NADK2: variants seen among roughly 807,000 people sequenced by gnomAD.
NADK2 encodes the protein NAD kinase 2, mitochondrial.
A neutral mutation model predicts 62.1 loss-of-function variants in NADK2; 35 were observed. The ratio of observed to expected loss-of-function variants is 0.56; its 90% CI spans 0.43 to 0.75. The LOEUF is 0.75. Among genes scored for constraint, NADK2 ranks in the 30% least tolerant of loss-of-function variants. The pLI, the probability that NADK2 is intolerant of heterozygous loss-of-function variation, is 0.00. For synonymous variants in NADK2, 205 were observed against 207.9 expected (o/e 0.99, Z 0.12); for missense variants, 439 against 561.3 (o/e 0.78, Z 2.20).
In NADK2 at chr5:36,241,735, C is replaced by A; in HGVS notation, c.64G>T (p.Ala22Ser). 7.8e-7 allele frequency: 1 copy of A among 1,274,474 alleles called. No homozygotes were observed. Among genetic ancestry groups the A allele is most frequent in the South Asian group, 2.0e-5 (1 of 49,034 alleles). The allele number at this position is 1,274,474 out of a possible 1,614,324, so 78.9% of individuals were successfully genotyped here. ...CCTCCCGCACCCGGTCCCCGCAGCG[C>A]CGCCGCCCGGCCGCCCGCCACGCGA... is the stretch of plus-strand genomic sequence containing the variant. ...CCRVAGGRAA[A>S]LRGPGAGGPA... The change falls in exon 1 of 12, where the codon GCG (alanine) becomes TCG (serine). Residue 22 changes from alanine (A) to serine (S), a missense_variant. Ala to Ser is a moderately conservative substitution (Grantham distance 99, BLOSUM62 1). Coordinates refer to ENST00000381937, the MANE Select transcript of NADK2 (RefSeq NM_001085411.3). The surrounding 1 kb of genome is among the most constrained non-coding windows in gnomAD (Gnocchi z 4.9).
chr5:36,236,434 T>C lies in NADK2; in HGVS notation c.300+5065A>G, dbSNP rs567159435. Among the ~76,000 whole-genome samples the C allele has an allele frequency of 3.9e-5, 6 of 152,352 alleles. No homozygotes were observed. In the East Asian group the frequency reaches 5.8e-4, roughly 15 times the overall value. On this transcript the variant is annotated intron_variant, in intron 1 of 11. Transcript: ENST00000381937. Reference sequence around the variant, plus strand: ...GAATCCCATAGTCAAATAAAAATCATCTTTTGCTTGGGCTCATGTTTTTCA... The same window carrying C: ...GAATCCCATAGTCAAATAAAAATCACCTTTTGCTTGGGCTCATGTTTTTCA...
chr5:36,212,166 A>G (rs1746873227), intron 6 of NADK2: 7 of 310,968 alleles, frequency 2.3e-5, no homozygotes, highest in Non-Finnish European at 4.1e-5. Context: ...TTCTTCTTGA[A>G]GCAATTTCTC....
intron 1 of NADK2, among the ~76,000 whole-genome samples, chr5:36,235,704 C>T (rs1476968600): frequency 6.6e-6 from 1 of 152,044 alleles, no homozygotes; most frequent in Non-Finnish European, 1.5e-5. Context: ...CACTAAGCCT[C>T]AATTGTGATG....
At chr5:36,228,920 C>T (rs1047791695) in intron 1 of NADK2, among the ~76,000 whole-genome samples, 3 of 152,124 alleles carry the variant, frequency 2.0e-5, no homozygotes, top group African/African-American at 7.2e-5. Flanking sequence ...CCATCACACC[C>T]AGCCTAATAT....
At chr5:36,204,233 T>A (rs947667691) in intron 8 of NADK2, among the ~76,000 whole-genome samples, 1 of 152,104 alleles carries the variant, frequency 6.6e-6, no homozygotes, top group Non-Finnish European at 1.5e-5. Context: ...AAAATAAACA[T>A]ACAGAATCAC....
At position 36,222,775 on chromosome 5, in the gene NADK2, C is replaced by A. The variant is rs147620682; in HGVS notation, c.560+2767G>T. Among the ~76,000 whole-genome samples the A allele has an allele frequency of 9.9e-4, 151 of 152,136 alleles. 2 individuals are homozygous for A. The East Asian group carries it at 0.025, about 25-fold the overall frequency. On this transcript the variant is annotated intron_variant, in intron 4 of 11. Transcript: ENST00000381937. ...AGGGCTGAGCTATTTTTAGTGGCAGCGAGGATGGCAAGAGATGGACTCAAA... is the reference window on the plus strand; with the variant it reads ...AGGGCTGAGCTATTTTTAGTGGCAGAGAGGATGGCAAGAGATGGACTCAAA...
chr5:36,200,984 A>G (rs1218055664), intron 9 of NADK2, 122 bp downstream of exon 9: 1 of 751,220 alleles, frequency 1.3e-6, no homozygotes, highest in African/African-American at 1.8e-5. Context: ...AAGAAAGAAA[A>G]AGAAATTAAT....
chr5:36,223,993 C>T (rs1457742162), intron 4 of NADK2, among the ~76,000 whole-genome samples: 1 of 152,090 alleles, frequency 6.6e-6, no homozygotes, highest in East Asian at 1.9e-4. Context: ...AATCCAGTGA[C>T]TTTCAATTCC....
At position 36,195,221 on chromosome 5, in the gene NADK2, C is replaced by T. The variant is rs756146626; in HGVS notation, c.1252G>A (p.Glu418Lys). ...CMVVDGGTSF[E>K]FNDGAIASMM... ...GAAGCAATTGCACCATCATTAAACTCAAAAGAAGTTCCTCCATCCACAACC... is the reference window on the plus strand; with the variant it reads ...GAAGCAATTGCACCATCATTAAACTTAAAAGAAGTTCCTCCATCCACAACC... The change falls in exon 12 of 12, where the codon GAG becomes AAG. Residue 418 changes from glutamate (E) to lysine (K), a missense_variant. By Grantham distance (56) the Glu-to-Lys change is moderately conservative (BLOSUM62 1). Coordinates refer to ENST00000381937, the MANE Select transcript of NADK2 (RefSeq NM_001085411.3). The T allele has an allele frequency of 6.2e-7, 1 of 1,613,402 alleles. No individual in the cohort carries two copies. The highest frequency in any genetic ancestry group is 1.1e-5 in the South Asian group (1 of 90,936).
chr5:36,234,095 C>T (rs1420399679), intron 1 of NADK2, among the ~76,000 whole-genome samples: 1 of 152,036 alleles, frequency 6.6e-6, no homozygotes, highest in Admixed American at 6.5e-5. Context: ...TATTAATGGG[C>T]CAGGCGCGGT....
intron 8 of NADK2, among the ~76,000 whole-genome samples, chr5:36,201,583 T>C (rs1447485015): frequency 6.6e-6 from 1 of 151,906 alleles, no homozygotes; most frequent in Non-Finnish European, 1.5e-5. Context: ...ATAATACAAA[T>C]ATATGTGCTG....
Position 36,195,051 on chromosome 5 carries a change from C to T in NADK2, c.*93G>A. 1 of 1,425,402 alleles carries T rather than the reference C, an allele frequency of 7.0e-7. No homozygotes were observed. The highest frequency in any genetic ancestry group is 9.4e-7 in the Non-Finnish European group (1 of 1,059,346). 88.3% of individuals were successfully genotyped at this position (1,425,402 alleles called of 1,614,324 possible). On this transcript the variant is annotated 3_prime_UTR_variant, in exon 12 of 12. Coordinates refer to ENST00000381937, the MANE Select transcript of NADK2 (RefSeq NM_001085411.3). ...TGAGCCCACGGGCAAGCAGTCTCAA[C>T]AATAACCAAAAAATGTCACTTTACG...
At chr5:36,215,889 G>A (rs1046633499) in intron 6 of NADK2, among the ~76,000 whole-genome samples, 2 of 152,008 alleles carry the variant, frequency 1.3e-5, no homozygotes, top group African/African-American at 4.8e-5. Context: ...TGAATAGGGC[G>A]GCATCAAACA....
chr5:36,241,253 G>A lies in NADK2; in HGVS notation c.300+246C>T. ...TCCCCGCGGCGCCCCTGCCTCCTAA[G>A]TCCCTGCATGAACCACTGTCCCTCT... On this transcript the variant is annotated intron_variant, in intron 1 of 11. Transcript: ENST00000381937. The surrounding 1 kb of genome is among the most constrained non-coding windows in gnomAD (Gnocchi z 4.9). 1 of 660,650 alleles carries A rather than the reference G, an allele frequency of 1.5e-6. No homozygotes were observed. The highest frequency in any genetic ancestry group is 2.1e-6 in the Non-Finnish European group (1 of 467,276). 40.9% of individuals were successfully genotyped at this position (660,650 alleles called of 1,614,324 possible). A position where few individuals can be genotyped will look rare whatever the true frequency, so the allele number is the denominator to read the frequency against.
At chr5:36,214,459 C>T (rs1024585476) in intron 6 of NADK2, among the ~76,000 whole-genome samples, 3 of 152,156 alleles carry the variant, frequency 2.0e-5, no homozygotes, top group African/African-American at 4.8e-5. Context: ...GAATTACAGG[C>T]GTGAACCACC....
chr5:36,209,488 C>G (rs1287288170), intron 7 of NADK2, among the ~76,000 whole-genome samples: 3 of 152,024 alleles, frequency 2.0e-5, no homozygotes, highest in Non-Finnish European at 4.4e-5. Flanking sequence ...ACTCACAAAA[C>G]ATTTTTATCA....
chr5:36,226,461 T>G lies in NADK2; in HGVS notation c.478+14A>C, dbSNP rs188966198. ...TTGTATATGCCAACATCTTTACTTC[T>G]GTCAAATTATTACCTCCTGCAGCTA... On this transcript the variant is annotated intron_variant, in intron 3 of 11. Coordinates refer to ENST00000381937, the MANE Select transcript of NADK2 (RefSeq NM_001085411.3). 1 of 1,596,506 alleles carries G rather than the reference T, an allele frequency of 6.3e-7. No homozygotes were observed. The highest frequency in any genetic ancestry group is 2.2e-5 in the East Asian group (1 of 44,714).
intron 4 of NADK2, among the ~76,000 whole-genome samples, 200 bp downstream of exon 4, chr5:36,225,342 T>C (rs548511178): frequency 5.3e-4 from 81 of 152,276 alleles, no homozygotes; most frequent in Non-Finnish European, 1.1e-3. Context: ...TTAGACACCA[T>C]ACACCTAGTA....
At position 36,207,174 on chromosome 5, in the gene NADK2, C is replaced by G; in HGVS notation, c.952G>C (p.Ala318Pro). The G allele has an allele frequency of 6.2e-7, 1 of 1,610,780 alleles. No individual in the cohort carries two copies. The highest frequency in any genetic ancestry group is 1.3e-5 in the African/African-American group (1 of 74,846). The change falls in exon 8 of 12, where the codon GCC becomes CCC. Residue 318 changes from alanine (A) to proline (P), a missense_variant. Physicochemically the swap from Ala to Pro is conservative, Grantham distance 27. Transcript: ENST00000381937. ...GCAACATCCCAAGTTACTCACCAGG[C>G]CTTTGATCCTGTTCCAGTACACAAA... ...LNLCTGTGSK[A>P]WSFNINRVAT...
Sources: allele counts gnomAD v4.1 joint callset (sites outside exome capture counted in the v4.1 genomes callset), GRCh38; gene constraint gnomAD v4.1.1; non-coding constraint Gnocchi (gnomAD v3.1); transcripts MANE v1.5; gene names NCBI Gene and HGNC (gene_info 2026-07-23, HGNC 2026-07-21).